The following LSAMP variants were observed in gnomAD, a reference collection of about 807,000 sequenced individuals.
The protein encoded by LSAMP is limbic system-associated membrane protein.
LSAMP carries 7 observed loss-of-function variants against 38.6 expected under a neutral mutation model. That is an observed-to-expected ratio of 0.18 (90% CI 0.10 to 0.34). The LOEUF (loss-of-function observed/expected upper bound fraction) is 0.34, where lower values mean the gene tolerates loss of function less well. Ranked by LOEUF, LSAMP falls within the 10% of genes least tolerant of loss-of-function variation. LSAMP has a pLI of 1.00. For synonymous variants in LSAMP, 154 were observed against 166.8 expected, an observed-to-expected ratio of 0.92 and a Z score of 0.59; for missense variants, 313 against 420.0, an observed-to-expected ratio of 0.75 and a Z score of 2.23.
At chr3:115,939,315 T>C (rs1332579459) in intron 3 of LSAMP, among the ~76,000 whole-genome samples, 5 of 152,114 alleles carry the variant, frequency 3.3e-5, no homozygotes, top group Non-Finnish European at 7.4e-5. Flanking sequence ...CAAGCAGGCA[T>C]TGACCTCATC....
chr3:115,941,894 T>C (rs1198948735), intron 3 of LSAMP, among the ~76,000 whole-genome samples: 3 of 152,106 alleles, frequency 2.0e-5, no homozygotes, highest in Middle Eastern at 3.4e-3. Flanking sequence ...GTGATAGATA[T>C]GTTAATTAAT....
intron 1 of LSAMP, among the ~76,000 whole-genome samples, chr3:116,164,681 ATAATC>A (rs1709995371): frequency 7.2e-6 from 1 of 138,770 alleles, no homozygotes; most frequent in Non-Finnish European, 1.5e-5. Context: ...ATATATATAT[ATAATC>A]CAAATATATA....
At chr3:116,290,544 A>G (rs2047250312) in intron 1 of LSAMP, among the ~76,000 whole-genome samples, 1 of 151,936 alleles carries the variant, frequency 6.6e-6, no homozygotes, top group South Asian at 2.1e-4. Flanking sequence ...AGCCTGACCA[A>G]CATGGTAAAA....
chr3:116,109,504 G>A (rs948632869), intron 1 of LSAMP, among the ~76,000 whole-genome samples: 1 of 152,154 alleles, frequency 6.6e-6, no homozygotes, highest in African/African-American at 2.4e-5. Context: ...AGACTAGGAA[G>A]GGACTGATGT....
At chr3:115,822,202 A>G (rs1426333332) in intron 6 of LSAMP, among the ~76,000 whole-genome samples, 2 of 152,180 alleles carry the variant, frequency 1.3e-5, no homozygotes, top group Non-Finnish European at 2.9e-5. Context: ...TCAATGTCAA[A>G]TATTTCTAGA....
rs141278648 is a variant in LSAMP, at chr3:116,335,267, T to C, written c.155+109610A>G. Among the ~76,000 whole-genome samples the C allele has an allele frequency of 6.2e-3, 937 of 152,154 alleles. 9 individuals carry two copies. Among genetic ancestry groups the C allele is most frequent in the African/African-American group, 0.021 (889 of 41,548 alleles). ...TGTTCATGGATTGAAAGATTTAATA[T>C]CGTTAAGATGTCAATACTAACTAAA... On this transcript the variant is annotated intron_variant, in intron 1 of 6. Transcript: ENST00000490035.
intron 1 of LSAMP, among the ~76,000 whole-genome samples, chr3:116,424,021 G>C (rs771337798): frequency 6.6e-6 from 1 of 152,158 alleles, no homozygotes; most frequent in Non-Finnish European, 1.5e-5. Context: ...GGAATAGAGA[G>C]AGGAAAAACA....
Position 116,086,403 on chromosome 3 carries a change from G to A in LSAMP, c.309C>T (p.Val103=), listed in dbSNP as rs1236776890. The change falls in exon 2 of 7, where the codon GTC becomes GTT. Residue 103 remains valine (V), a synonymous_variant. Transcript: ENST00000490035. Reference sequence around the variant, plus strand: ...AGCAAGTGTAGGAACCCTCATCATAGACATCCACCTTCTGGATTCGGAGGC... The same window carrying A: ...AGCAAGTGTAGGAACCCTCATCATAAACATCCACCTTCTGGATTCGGAGGC... ...EYSLRIQKVD[V]YDEGSYTCSV... 5.0e-6 allele frequency: 8 copies of A among 1,614,092 alleles called. No individual in the cohort carries two copies. The highest frequency in any genetic ancestry group is 6.8e-6 in the Non-Finnish European group (8 of 1,180,008).
At chr3:116,256,024 G>A (rs2046746195) in intron 1 of LSAMP, among the ~76,000 whole-genome samples, 1 of 151,902 alleles carries the variant, frequency 6.6e-6, no homozygotes, top group Non-Finnish European at 1.5e-5. Flanking sequence ...ATCCTTCCTT[G>A]TTTATCCGAT....
intron 2 of LSAMP, among the ~76,000 whole-genome samples, chr3:116,065,509 A>G (rs1039435026): frequency 2.0e-5 from 3 of 152,222 alleles, no homozygotes; most frequent in Non-Finnish European, 4.4e-5. Flanking sequence ...CAGACTAGTC[A>G]TGTGGATCAT....
intron 1 of LSAMP, among the ~76,000 whole-genome samples, chr3:116,163,190 G>A (rs975278395): frequency 1.4e-5 from 2 of 147,078 alleles, no homozygotes; most frequent in Non-Finnish European, 3.0e-5. Context: ...TCGTCATTTA[G>A]CATTAGGTAT....
At chr3:116,294,428 T>C (rs946711360) in intron 1 of LSAMP, among the ~76,000 whole-genome samples, 4 of 152,164 alleles carry the variant, frequency 2.6e-5, no homozygotes, top group Admixed American at 1.3e-4. Context: ...TAATCACCTC[T>C]ATTTCAGAAA....
In LSAMP at chr3:116,173,519, CACCTTCTGTT is replaced by C. The variant is rs571531564; in HGVS notation, c.156-86973_156-86964del. ...AAAAAATGTGTAAATCATTTTCTGTCACCTTCTGTTACCACTTTCTTTATAGTAGGGATAG... is the reference window on the plus strand; with the variant it reads ...AAAAAATGTGTAAATCATTTTCTGTCACCACTTTCTTTATAGTAGGGATAG... On this transcript the variant is annotated intron_variant, in intron 1 of 6. Transcript: ENST00000490035. Among the ~76,000 whole-genome samples the C allele has an allele frequency of 8.2e-4, 124 of 152,122 alleles. 3 individuals are homozygous for C. The East Asian group carries it at 0.022, about 27-fold the overall frequency.
chr3:116,069,554 C>T (rs1707549422), intron 2 of LSAMP, among the ~76,000 whole-genome samples: 1 of 128,404 alleles, frequency 7.8e-6, no homozygotes, highest in African/African-American at 2.9e-5. Flanking sequence ...ATACCACTTT[C>T]CTCAGAAAAA....
At chr3:116,357,566 G>C (rs889715368) in intron 1 of LSAMP, among the ~76,000 whole-genome samples, 4 of 152,010 alleles carry the variant, frequency 2.6e-5, no homozygotes, top group African/African-American at 9.7e-5. Flanking sequence ...TAGGTATAGA[G>C]GATTGCAAAA....
At chr3:116,260,583 T>C (rs2046811800) in intron 1 of LSAMP, among the ~76,000 whole-genome samples, 1 of 152,168 alleles carries the variant, frequency 6.6e-6, no homozygotes, top group South Asian at 2.1e-4. Flanking sequence ...CGGCATAATC[T>C]TCTAGGGCTT....
At chr3:115,954,953 G>GTTTTTTTT (rs1257314299) in intron 3 of LSAMP, among the ~76,000 whole-genome samples, 1 of 38,614 alleles carries the variant, frequency 2.6e-5, no homozygotes, top group African/African-American at 4.1e-5. Context: ...TTCTGTTTTT[G>GTTTTTTTT]TTTTTGTTTT....
At chr3:115,879,380 A>T (rs747840517) in intron 3 of LSAMP, among the ~76,000 whole-genome samples, 197 of 152,308 alleles carry the variant, frequency 1.3e-3, no homozygotes, top group Non-Finnish European at 2.3e-3. Context: ...ACTAGTAAAG[A>T]ATTTCAAGTT....
At chr3:115,922,036 T>C (rs1008790351) in intron 3 of LSAMP, among the ~76,000 whole-genome samples, 3 of 152,196 alleles carry the variant, frequency 2.0e-5, no homozygotes, top group Non-Finnish European at 4.4e-5. Context: ...TGTGAATTTT[T>C]GTTTGTAAAA....
Sources: gnomAD v4.1 joint callset for allele counts (sites outside exome capture counted in the v4.1 genomes callset) on GRCh38, gnomAD v4.1.1 for gene constraint, MANE v1.5 for transcripts, NCBI Gene and HGNC (gene_info 2026-07-23, HGNC 2026-07-21) for gene names.